Variants in METAP1 observed in about 807,000 individuals in gnomAD.
METAP1 encodes the protein methionyl aminopeptidase 1.
In METAP1, 28 loss-of-function variants were observed where a neutral mutation model predicts 53.8. The ratio of observed to expected loss-of-function variants is 0.52; its 90% CI spans 0.39 to 0.71. METAP1 has a LOEUF of 0.71. Among genes scored for constraint, METAP1 ranks in the 30% least tolerant of loss-of-function variants. The pLI, the probability that METAP1 is intolerant of heterozygous loss-of-function variation, is 0.00. For synonymous variants in METAP1, 181 were observed against 165.7 expected (o/e 1.09, Z -0.71); for missense variants, 389 against 479.8 (o/e 0.81, Z 1.77).
intron 1 of METAP1, among the ~76,000 whole-genome samples, chr4:98,997,629 G>A (rs78152177): frequency 6.6e-6 from 1 of 152,198 alleles, no homozygotes; most frequent in Non-Finnish European, 1.5e-5. Flanking sequence ...AAAAGGTAGT[G>A]TGAAACCACA....
intron 1 of METAP1, among the ~76,000 whole-genome samples, chr4:99,007,893 T>C (rs1225135080): frequency 6.6e-6 from 1 of 152,232 alleles, no homozygotes; most frequent in Non-Finnish European, 1.5e-5. Flanking sequence ...CAGTCTTGTT[T>C]CTAAGCAGCC....
At chr4:99,019,359 CT>C (rs1723956373) in intron 1 of METAP1, among the ~76,000 whole-genome samples, 1 of 152,210 alleles carries the variant, frequency 6.6e-6, no homozygotes, top group African/African-American at 2.4e-5. Context: ...TATTCTTCCT[CT>C]CTGAAGGTTG....
chr4:98,999,967 T>A (rs1410643582), intron 1 of METAP1, among the ~76,000 whole-genome samples: 1 of 152,214 alleles, frequency 6.6e-6, no homozygotes, highest in Non-Finnish European at 1.5e-5. Context: ...TTTTCATTTG[T>A]GTGTAAGAAT....
intron 1 of METAP1, among the ~76,000 whole-genome samples, chr4:99,002,781 A>G (rs1466737307): frequency 1.3e-5 from 2 of 152,212 alleles, no homozygotes; most frequent in Admixed American, 1.3e-4. Flanking sequence ...GCATTTCTAA[A>G]AACCCTGTTA....
At chr4:99,024,938 C>G (rs1196251462) in intron 1 of METAP1, among the ~76,000 whole-genome samples, 1 of 152,170 alleles carries the variant, frequency 6.6e-6, no homozygotes, top group African/African-American at 2.4e-5. Flanking sequence ...TACCTCAGAT[C>G]TTCGAGAATT....
intron 1 of METAP1, among the ~76,000 whole-genome samples, chr4:99,016,369 G>C (rs2110295529): frequency 6.6e-6 from 1 of 152,296 alleles, no homozygotes; most frequent in South Asian, 2.1e-4. Context: ...CTAAAATTTA[G>C]TTAGATGACT....
intron 9 of METAP1, among the ~76,000 whole-genome samples, chr4:99,056,293 T>G (rs942001520): frequency 6.6e-6 from 1 of 152,216 alleles, no homozygotes; most frequent in Non-Finnish European, 1.5e-5. Context: ...TTTGTTTAAC[T>G]TGGAATTTAA....
intron 1 of METAP1, chr4:99,023,539 T>C (rs1371627244): frequency 8.1e-6 from 8 of 985,192 alleles, no homozygotes; most frequent in African/African-American, 5.2e-5. Context: ...TGATGTTAGA[T>C]TTGAGATGGT....
chr4:99,023,806 A>G, intron 1 of METAP1: 3 of 980,996 alleles, frequency 3.1e-6, no homozygotes, highest in Non-Finnish European at 3.6e-6. Context: ...TAACCATACA[A>G]TGGGTTCATC....
At chr4:99,057,133 T>C (rs1350644157) in intron 9 of METAP1, among the ~76,000 whole-genome samples, 1 of 152,250 alleles carries the variant, frequency 6.6e-6, no homozygotes, top group Non-Finnish European at 1.5e-5. Flanking sequence ...CTTCCCAAAG[T>C]GCTGGGATTA....
intron 2 of METAP1, among the ~76,000 whole-genome samples, chr4:99,033,377 C>G (rs1418283675): frequency 6.6e-6 from 1 of 151,904 alleles, no homozygotes; most frequent in Non-Finnish European, 1.5e-5. Flanking sequence ...AATACTTGGT[C>G]TACGAGGGAC....
At chr4:99,039,809 G>T (rs564353840) in intron 5 of METAP1, among the ~76,000 whole-genome samples, 1 of 152,198 alleles carries the variant, frequency 6.6e-6, no homozygotes, top group East Asian at 1.9e-4. Flanking sequence ...GCCCAGGCTG[G>T]TCTCGAACTC....
intron 1 of METAP1, among the ~76,000 whole-genome samples, chr4:99,019,500 G>A (rs1339063614): frequency 1.3e-5 from 2 of 152,030 alleles, no homozygotes; most frequent in Admixed American, 1.3e-4. Flanking sequence ...CTTTGTTTTA[G>A]TTTCTCTTCA....
intron 9 of METAP1, among the ~76,000 whole-genome samples, chr4:99,050,612 A>C (rs1207533275): frequency 6.6e-6 from 1 of 152,214 alleles, no homozygotes; most frequent in Non-Finnish European, 1.5e-5. Context: ...GCTGCACAGC[A>C]TGAGGGGAGC....
chr4:98,999,103 G>A (rs1438501473), intron 1 of METAP1, among the ~76,000 whole-genome samples: 3 of 152,078 alleles, frequency 2.0e-5, no homozygotes, highest in Non-Finnish European at 2.9e-5. Context: ...CACCATGCCC[G>A]GCCGAGAATG....
intron 2 of METAP1, among the ~76,000 whole-genome samples, chr4:99,029,539 G>C (rs1038773069): frequency 1.3e-5 from 2 of 152,150 alleles, no homozygotes; most frequent in African/African-American, 4.8e-5. Context: ...AGCGTGGCTG[G>C]TTTAAGACAA....
chr4:99,030,334 TC>T (rs1352580200), intron 2 of METAP1, among the ~76,000 whole-genome samples: 1 of 152,198 alleles, frequency 6.6e-6, no homozygotes, highest in African/African-American at 2.4e-5. Context: ...CAGCAAGTGT[TC>T]CCTATGTAAA....
intron 4 of METAP1, among the ~76,000 whole-genome samples, chr4:99,038,269 A>C (rs958840129): frequency 2.6e-5 from 4 of 151,802 alleles, no homozygotes; most frequent in Admixed American, 6.6e-5. Flanking sequence ...TATATGTTTT[A>C]TTTCTTTCTC....
At chr4:99,036,616 G>A (rs911670411) in intron 4 of METAP1, among the ~76,000 whole-genome samples, 2 of 151,702 alleles carry the variant, frequency 1.3e-5, no homozygotes, top group Non-Finnish European at 2.9e-5. Flanking sequence ...TCACCTTGCT[G>A]TATTCACTTA....
Sources: allele counts gnomAD v4.1 joint callset (sites outside exome capture counted in the v4.1 genomes callset), GRCh38; gene constraint gnomAD v4.1.1; transcripts MANE v1.5; gene names NCBI Gene and HGNC (gene_info 2026-07-23, HGNC 2026-07-21).